REPS2: variants seen among roughly 807,000 people sequenced by gnomAD.
REPS2 encodes ralBP1-associated Eps domain-containing protein 2.
In REPS2, 23 loss-of-function variants were observed where a neutral mutation model predicts 53.6. The observed-to-expected ratio is 0.43, with a 90% CI of 0.31 to 0.61. REPS2 has a LOEUF of 0.61. REPS2 is among the 20% of genes least tolerant of loss of function. The probability of loss-of-function intolerance (pLI) is 0.11; values close to 1 mark genes in which losing one functional copy is unlikely to be tolerated. For synonymous variants in REPS2, 238 were observed against 218.6 expected (o/e 1.09, Z -0.78); for missense variants, 446 against 534.9 (o/e 0.83, Z 1.64).
intron 13 of REPS2, among the ~76,000 whole-genome samples, chrX:17,096,981 T>C (rs977743144): frequency 1.8e-5 from 2 of 111,971 alleles, no homozygotes; most frequent in African/African-American, 6.5e-5. Context: ...AATGGGTTGC[T>C]ACATGGTTCA....
At chrX:17,005,458 T>C (rs2061353338) in intron 1 of REPS2, among the ~76,000 whole-genome samples, 1 of 111,956 alleles carries the variant, frequency 8.9e-6, no homozygotes, top group African/African-American at 3.2e-5. Context: ...TTCACCCATG[T>C]GCCCCACCTC....
chrX:16,960,660 G>C (rs2060649743), intron 1 of REPS2, among the ~76,000 whole-genome samples: 1 of 111,645 alleles, frequency 9.0e-6, no homozygotes, highest in South Asian at 3.7e-4. Context: ...ACAATAAAAA[G>C]AGATAAAAGG....
chrX:17,015,992 C>T (rs1266590803), intron 2 of REPS2, among the ~76,000 whole-genome samples: 1 of 111,884 alleles, frequency 8.9e-6, no homozygotes, highest in Non-Finnish European at 1.9e-5. Flanking sequence ...GCCACACTGA[C>T]TTCCACAATG....
intron 1 of REPS2, among the ~76,000 whole-genome samples, chrX:16,999,611 G>T (rs1456965228): frequency 9.0e-6 from 1 of 111,190 alleles, no homozygotes; most frequent in Non-Finnish European, 1.9e-5. Flanking sequence ...GCATCTTGGG[G>T]TATCTAAAAG....
intron 13 of REPS2, among the ~76,000 whole-genome samples, chrX:17,088,638 G>T (rs753797299): frequency 2.9e-5 from 3 of 104,435 alleles, no homozygotes; most frequent in South Asian, 9.1e-4. Context: ...GCCCAGGCTG[G>T]AGTGCAGTGG....
intron 17 of REPS2, among the ~76,000 whole-genome samples, chrX:17,142,977 C>G (rs2063466262): frequency 8.9e-6 from 1 of 112,445 alleles, no homozygotes; most frequent in African/African-American, 3.2e-5. Context: ...TACATTCATA[C>G]AATGGAATAG....
intron 1 of REPS2, among the ~76,000 whole-genome samples, chrX:16,990,624 A>G (rs1288797759): frequency 9.3e-6 from 1 of 107,994 alleles, no homozygotes; most frequent in East Asian, 2.9e-4. Context: ...AAAAAAAAAA[A>G]AGGCATCATG....
intron 6 of REPS2, among the ~76,000 whole-genome samples, chrX:17,050,194 C>CTTTTCTT (rs1555926833): frequency 3.9e-5 from 2 of 51,796 alleles, no homozygotes; most frequent in Admixed American, 3.4e-4. Context: ...TTCTTTCTTT[C>CTTTTCTT]TTTTTTTTTT....
In REPS2 at chrX:16,968,650, AC is replaced by A. The variant is rs1392167466; in HGVS notation, c.273+21523del. ...GGGCGGCTGGCCGGGCGGGGGGCTG[AC>A]CCCCCCACCTCCCTCCCAGACGGGG... is the stretch of plus-strand genomic sequence containing the variant. On this transcript the variant is annotated intron_variant, in intron 1 of 17. Coordinates refer to ENST00000357277, the MANE Select transcript of REPS2 (RefSeq NM_004726.3). 2.3e-3 allele frequency among the ~76,000 whole-genome samples: 186 copies of A among 80,518 alleles called. 2 individuals carry two copies. The highest frequency in any genetic ancestry group is 1.7e-3 in the Admixed American group (12 of 7,029). 69.9% of individuals were successfully genotyped at this position (80,518 alleles called of 115,157 possible).
intron 8 of REPS2, among the ~76,000 whole-genome samples, chrX:17,059,154 G>C (rs2147946940): frequency 9.2e-6 from 1 of 108,326 alleles, no homozygotes; most frequent in Admixed American, 9.9e-5. Context: ...GGGACTACAG[G>C]CACATGCCAC....
chrX:17,093,166 C>CTATATATATATATATATATATATATA (rs58530978), intron 13 of REPS2, among the ~76,000 whole-genome samples: 10 of 39,104 alleles, frequency 2.6e-4, no homozygotes, highest in Non-Finnish European at 3.7e-4. Context: ...TGAGTTAATG[C>CTATATATATATATATATATATATATA]TATATATATA....
Position 17,150,982 on chromosome X carries a change from G to T in REPS2, c.*3501G>T, listed in dbSNP as rs1347650995. 8.9e-6 allele frequency: 1 copy of T among 111,799 alleles called. No homozygotes were observed. The highest frequency in any genetic ancestry group is 3.3e-5 in the African/African-American group (1 of 30,654). 9.2% of individuals were successfully genotyped at this position (111,799 alleles called of 1,213,427 possible). On this transcript the variant is annotated 3_prime_UTR_variant, in exon 18 of 18. Coordinates refer to ENST00000357277, the MANE Select transcript of REPS2 (RefSeq NM_004726.3). ...AAATTTCTCTTAGATTGAAGTGACA[G>T]AATCTGAAAGAAAAGAATATGATTG...
chrX:17,159,622 C>T, the REPS2 span, among the ~76,000 whole-genome samples: 2 of 111,771 alleles, frequency 1.8e-5, no homozygotes, highest in East Asian at 2.8e-4. Flanking sequence ...ATCATCTATA[C>T]GTTACTGATA....
chrX:17,109,836 T>A (rs1238634970), intron 14 of REPS2, among the ~76,000 whole-genome samples: 1 of 112,645 alleles, frequency 8.9e-6, no homozygotes, highest in African/African-American at 3.2e-5. Context: ...CTACTCTTTT[T>A]CAAAGACTAA....
chrX:17,016,668 C>CA (rs1273223132), intron 2 of REPS2, among the ~76,000 whole-genome samples: 1 of 111,207 alleles, frequency 9.0e-6, no homozygotes, highest in African/African-American at 3.3e-5. Context: ...CTTGGTCTCC[C>CA]AAAGTGCTGG....
intron 13 of REPS2, among the ~76,000 whole-genome samples, chrX:17,079,828 C>G (rs748322158): frequency 6.2e-5 from 7 of 112,363 alleles, no homozygotes; most frequent in Admixed American, 9.4e-5. Flanking sequence ...ATTGCATCTA[C>G]TTTATTTATT....
chrX:17,175,512 A>T, the REPS2 span, among the ~76,000 whole-genome samples: 2 of 112,064 alleles, frequency 1.8e-5, no homozygotes, highest in East Asian at 5.6e-4. Flanking sequence ...TTGGGAAGGG[A>T]CATTTTTGAT....
the REPS2 span, among the ~76,000 whole-genome samples, chrX:17,160,897 C>T: frequency 2.7e-5 from 3 of 112,067 alleles, no homozygotes; most frequent in African/African-American, 9.7e-5. Context: ...GCCTGTCCCA[C>T]CATTGTATGT....
At chrX:17,186,866 C>T in the REPS2 span, among the ~76,000 whole-genome samples, 1 of 110,248 alleles carries the variant, frequency 9.1e-6, no homozygotes, top group Non-Finnish European at 1.9e-5. Context: ...CACCCACCCA[C>T]AAGTACCTAA....
Sources: gnomAD v4.1 joint callset for allele counts (sites outside exome capture counted in the v4.1 genomes callset) on GRCh38, gnomAD v4.1.1 for gene constraint, MANE v1.5 for transcripts, NCBI Gene and HGNC (gene_info 2026-07-23, HGNC 2026-07-21) for gene names.